The following PTPRD variants were observed in gnomAD, a reference collection of about 807,000 sequenced individuals.
PTPRD encodes receptor-type tyrosine-protein phosphatase delta.
Under a neutral mutation model 214.5 loss-of-function variants are expected in PTPRD, and 34 were observed. The observed-to-expected ratio is 0.16, with a 90% CI of 0.12 to 0.21. The LOEUF is 0.21. PTPRD is among the 10% of genes least tolerant of loss of function. The pLI, the probability that PTPRD is intolerant of heterozygous loss-of-function variation, is 1.00. For synonymous variants in PTPRD, 1,128 were observed against 845.7 expected, an observed-to-expected ratio of 1.33 and a Z score of -5.79; for missense variants, 2,545 against 2,398.7, an observed-to-expected ratio of 1.06 and a Z score of -1.27.
chr9:10,518,649 C>T (rs2050962003), intron 2 of PTPRD, among the ~76,000 whole-genome samples: 2 of 152,042 alleles, frequency 1.3e-5, no homozygotes, highest in East Asian at 1.9e-4. Flanking sequence ...TCTGCTGCCT[C>T]AGCCTCCCAA....
intron 44 of PTPRD, among the ~76,000 whole-genome samples, chr9:8,330,532 G>GA (rs1403262442): frequency 1.3e-5 from 2 of 150,790 alleles, no homozygotes; most frequent in Admixed American, 6.6e-5. Context: ...CAAGCTCTTT[G>GA]GTTGGTTTGC....
chr9:10,185,645 A>C (rs1369480920), intron 3 of PTPRD, among the ~76,000 whole-genome samples: 1 of 152,184 alleles, frequency 6.6e-6, no homozygotes, highest in Non-Finnish European at 1.5e-5. Context: ...ATTTGACTCT[A>C]AGACCTGTGC....
At chr9:8,697,309 C>T (rs1225660412) in intron 12 of PTPRD, among the ~76,000 whole-genome samples, 1 of 151,652 alleles carries the variant, frequency 6.6e-6, no homozygotes, top group Non-Finnish European at 1.5e-5. Context: ...TGAGATGGAT[C>T]ATGGGGCTCT....
chr9:8,683,582 CCTT>C (rs2097597480), intron 12 of PTPRD, among the ~76,000 whole-genome samples: 1 of 152,162 alleles, frequency 6.6e-6, no homozygotes, highest in South Asian at 2.1e-4. Flanking sequence ...ATTTAAAAGT[CCTT>C]CTTGCCAGTC....
At chr9:9,065,394 T>C (rs324503) in intron 10 of PTPRD, among the ~76,000 whole-genome samples, 148,355 of 152,254 alleles carry the variant, frequency 0.97, 72,411 homozygotes, top group Middle Eastern at 1. Context: ...AGCCAGTGCA[T>C]AGGCAAGGAG....
Position 9,148,224 on chromosome 9 carries a change from A to G in PTPRD, c.-143+35080T>C, listed in dbSNP as rs185753755. ...TTACTTTAGAGGTTACTTTAATTTTAATAGGCTTTATGAAATTACTTCAAA... is the reference window on the plus strand; with the variant it reads ...TTACTTTAGAGGTTACTTTAATTTTGATAGGCTTTATGAAATTACTTCAAA... On this transcript the variant is annotated intron_variant, in intron 10 of 45. Transcript: ENST00000381196. Among the ~76,000 whole-genome samples, 83 of 152,330 alleles carry G rather than the reference A, an allele frequency of 5.4e-4. No homozygotes were observed. In the East Asian group the frequency reaches 0.012, roughly 23 times the overall value.
At position 8,531,402 on chromosome 9, in the gene PTPRD, A is replaced by G. The variant is rs575654182; in HGVS notation, c.353-2623T>C. Reference sequence around the variant, plus strand: ...GGGGGAAAAAGGAGCAGAAAGATCAATAGCTGCTATACCACACACGTTATG... The same window carrying G: ...GGGGGAAAAAGGAGCAGAAAGATCAGTAGCTGCTATACCACACACGTTATG... On this transcript the variant is annotated intron_variant, in intron 14 of 45. Transcript: ENST00000381196. Among the ~76,000 whole-genome samples, 8 of 152,206 alleles carry G rather than the reference A, an allele frequency of 5.3e-5. No homozygotes were observed. The East Asian group carries it at 1.2e-3, about 22-fold the overall frequency.
In PTPRD at chr9:9,193,115, T is replaced by C. The variant is rs1005048162; in HGVS notation, c.-202-9752A>G. The stretch of plus-strand genomic sequence containing the variant: ...TTCCATATACAAACGTTCAGTTAAA[T>C]GTAAGTAAATAAAAATGAGTGACCA... On this transcript the variant is annotated intron_variant, in intron 9 of 45. Transcript: ENST00000381196. Among the ~76,000 whole-genome samples, 11 of 152,274 alleles carry C rather than the reference T, an allele frequency of 7.2e-5. 1 individual carries two copies. Among genetic ancestry groups the C allele is most frequent in the South Asian group, 6.2e-4 (3 of 4,832 alleles).
At chr9:8,625,134 G>T (rs951078438) in intron 14 of PTPRD, among the ~76,000 whole-genome samples, 2 of 151,742 alleles carry the variant, frequency 1.3e-5, no homozygotes, top group African/African-American at 4.8e-5. Context: ...AAGACATAAA[G>T]AGTATAATTT....
intron 5 of PTPRD, among the ~76,000 whole-genome samples, chr9:9,794,270 C>T (rs2098987461): frequency 6.6e-6 from 1 of 151,396 alleles, no homozygotes; most frequent in African/African-American, 2.4e-5. Context: ...AAATTACAGT[C>T]CCATTAATTA....
chr9:10,207,503 T>G (rs1320544047), intron 3 of PTPRD, among the ~76,000 whole-genome samples: 2 of 152,038 alleles, frequency 1.3e-5, no homozygotes, highest in Non-Finnish European at 2.9e-5. Flanking sequence ...TGTGTAGAAC[T>G]GGTATTAATT....
intron 3 of PTPRD, among the ~76,000 whole-genome samples, chr9:10,035,076 T>A (rs572980853): frequency 6.6e-6 from 1 of 152,308 alleles, no homozygotes; most frequent in Non-Finnish European, 1.5e-5. Flanking sequence ...ACCAACAGTG[T>A]ATAAGCATTC....
At position 8,507,442 on chromosome 9, in the gene PTPRD, C is replaced by T. The variant is rs1191604950; in HGVS notation, c.1544-8G>A. 6.2e-7 allele frequency: 1 copy of T among 1,613,626 alleles called. No individual in the cohort carries two copies. ...TTAGTGGCTGCCCTGGTACTAAAAA[C>T]AGGGAGGCAATGGATTGAACTCACA... is the stretch of plus-strand genomic sequence containing the variant. On this transcript the variant is annotated splice_region_variant and splice_polypyrimidine_tract_variant and intron_variant, in intron 21 of 45. Coordinates refer to ENST00000381196, the MANE Select transcript of PTPRD (RefSeq NM_002839.4).
At position 8,523,504 on chromosome 9, in the gene PTPRD, C is replaced by G; in HGVS notation, c.691+9G>C. The G allele has an allele frequency of 6.2e-7, 1 of 1,612,996 alleles. No individual in the cohort carries two copies. The highest frequency in any genetic ancestry group is 8.5e-7 in the Non-Finnish European group (1 of 1,179,398). On this transcript the variant is annotated intron_variant, in intron 19 of 45. Transcript: ENST00000381196. ...TGTAAGGTGGGTAAAAAGTAAAAAA[C>G]ACACCAACCTTCTCGCAGCTCTGAG...
intron 9 of PTPRD, among the ~76,000 whole-genome samples, chr9:9,242,221 G>A (rs1161885801): frequency 6.6e-6 from 1 of 152,196 alleles, no homozygotes; most frequent in African/African-American, 2.4e-5. Flanking sequence ...TCAGCTGTTA[G>A]TCTGATGGGC....
rs905036141 is a variant in PTPRD, at chr9:9,791,925, A to AT, written c.-367-25075dup. Among the ~76,000 whole-genome samples the AT allele has an allele frequency of 2.6e-5, 4 of 151,584 alleles. No individual in the cohort carries two copies. The East Asian group carries it at 7.7e-4, about 29-fold the overall frequency. ...TAAAATGCATCTTGATGTACCTTGA[A>AT]TTTTTTTTTATGTCTACTAAGGACA... On this transcript the variant is annotated intron_variant, in intron 5 of 45. Transcript: ENST00000381196.
chr9:10,592,855 G>A (rs752205511), intron 2 of PTPRD, among the ~76,000 whole-genome samples: 7 of 151,928 alleles, frequency 4.6e-5, no homozygotes, highest in Non-Finnish European at 8.8e-5. Context: ...AACGGAACAT[G>A]GGCGGGGACT....
intron 10 of PTPRD, among the ~76,000 whole-genome samples, chr9:9,021,978 T>C (rs1408285365): frequency 8.0e-6 from 1 of 124,708 alleles, no homozygotes; most frequent in Non-Finnish European, 1.7e-5. Context: ...TGTAGCGGGG[T>C]GGGGGGCAAG....
At chr9:9,066,880 T>G (rs988285865) in intron 10 of PTPRD, among the ~76,000 whole-genome samples, 3 of 152,164 alleles carry the variant, frequency 2.0e-5, no homozygotes, top group Non-Finnish European at 2.9e-5. Flanking sequence ...GGCCAGAAAT[T>G]CAAGAACTGT....
Sources: gnomAD v4.1 joint callset for allele counts (sites outside exome capture counted in the v4.1 genomes callset) on GRCh38, gnomAD v4.1.1 for gene constraint, MANE v1.5 for transcripts, NCBI Gene and HGNC (gene_info 2026-07-23, HGNC 2026-07-21) for gene names.